SNX9: variants seen among roughly 807,000 people sequenced by gnomAD.
SNX9 encodes sorting nexin 9.
Under a neutral mutation model 89.4 loss-of-function variants are expected in SNX9, and 44 were observed. The observed-to-expected ratio is 0.49, with a 90% CI of 0.39 to 0.63. The LOEUF (loss-of-function observed/expected upper bound fraction) is 0.63. SNX9 is among the 30% of genes least tolerant of loss of function. The pLI is 0.00. For synonymous variants in SNX9, 236 were observed against 247.8 expected (o/e 0.95, Z 0.45); for missense variants, 578 against 736.1 (o/e 0.79, Z 2.49).
At chr6:157,871,545 G>A (rs1424435192) in intron 2 of SNX9, among the ~76,000 whole-genome samples, 1 of 152,072 alleles carries the variant, frequency 6.6e-6, no homozygotes, top group Non-Finnish European at 1.5e-5. Context: ...GGAGGAGGGG[G>A]GAGGGATAGC....
At chr6:157,901,852 G>GT (rs745369182) in intron 5 of SNX9, 46 bp from the exon 6 acceptor site, 1 of 1,497,860 alleles carries the variant, frequency 6.7e-7, no homozygotes, top group Admixed American at 2.1e-5. Flanking sequence ...TTTTATTTTG[G>GT]TCTTTTTTTT....
In SNX9 at chr6:157,943,857, T is replaced by C. The variant is rs1320016976; in HGVS notation, c.*1019T>C. 6.6e-6 allele frequency: 1 copy of C among 152,008 alleles called. No homozygotes were observed. Among genetic ancestry groups the C allele is most frequent in the Non-Finnish European group, 1.5e-5 (1 of 68,114 alleles). The allele number at this position is 152,008 out of a possible 1,614,324, so 9.4% of individuals were successfully genotyped here. A position where few individuals can be genotyped will look rare whatever the true frequency, so the allele number is the denominator to read the frequency against. ...GCTTGGGTGGCGGGTTCATGGCCAG[T>C]TGGTGTCATCAGCAAAGAGAAAAAG... is the stretch of plus-strand genomic sequence containing the variant. On this transcript the variant is annotated 3_prime_UTR_variant, in exon 18 of 18. Coordinates refer to ENST00000392185, the MANE Select transcript of SNX9 (RefSeq NM_016224.5).
intron 1 of SNX9, among the ~76,000 whole-genome samples, chr6:157,857,444 T>C (rs1368278494): frequency 1.3e-5 from 2 of 152,206 alleles, no homozygotes; most frequent in African/African-American, 2.4e-5. Context: ...GCACTAGATA[T>C]GTGATTACCT....
intron 3 of SNX9, chr6:157,874,827 C>CAT (rs1314489721): frequency 1.9e-5 from 8 of 410,982 alleles, no homozygotes; most frequent in Non-Finnish European, 4.3e-6. Flanking sequence ...CTAAATAATG[C>CAT]ATGGATCAAA....
chr6:157,856,608 T>G (rs1323037453), intron 1 of SNX9, among the ~76,000 whole-genome samples: 1 of 152,242 alleles, frequency 6.6e-6, no homozygotes. Flanking sequence ...GTCTGCATAT[T>G]ACTATCACGA....
chr6:157,829,541 CTAAT>C (rs1433551211), intron 1 of SNX9: 1 of 152,178 alleles, frequency 6.6e-6, no homozygotes, highest in Non-Finnish European at 1.5e-5. Context: ...TATATCCTTA[CTAAT>C]TGTGTTCCTC....
intron 1 of SNX9, among the ~76,000 whole-genome samples, chr6:157,836,351 TCTC>T (rs1334633091): frequency 1.3e-5 from 2 of 152,274 alleles, no homozygotes; most frequent in East Asian, 3.9e-4. Context: ...ACTCCCCTCT[TCTC>T]TGATTCATTA....
chr6:157,844,600 G>GTTTTGTTTT (rs1781767520), intron 1 of SNX9, among the ~76,000 whole-genome samples: 5 of 131,806 alleles, frequency 3.8e-5, no homozygotes, highest in African/African-American at 1.4e-4. Flanking sequence ...TTTTTTTTTT[G>GTTTTGTTTT]TTTTTTTTTT....
chr6:157,937,406 G>A, intron 14 of SNX9, 28 bp from the exon 15 acceptor site: 1 of 1,509,312 alleles, frequency 6.6e-7, no homozygotes, highest in East Asian at 2.3e-5. Context: ...TTCTCTGCCA[G>A]TAACAATCAG....
At position 157,917,740 on chromosome 6, in the gene SNX9, C is replaced by T. The variant is rs144603745; in HGVS notation, c.950-3791C>T. Among the ~76,000 whole-genome samples, 1,011 of 152,100 alleles carry T rather than the reference C, an allele frequency of 6.6e-3. 13 individuals are homozygous for T. Among genetic ancestry groups the T allele is most frequent in the African/African-American group, 0.023 (970 of 41,516 alleles). On this transcript the variant is annotated intron_variant, in intron 9 of 17. Coordinates refer to ENST00000392185, the MANE Select transcript of SNX9 (RefSeq NM_016224.5). ...TATAATACCTAATACAATGTAAATG[C>T]TATGTAAATCATTGTTATACTGTAT...
At chr6:157,906,897 T>G (rs1783227952) in intron 7 of SNX9, among the ~76,000 whole-genome samples, 1 of 152,212 alleles carries the variant, frequency 6.6e-6, no homozygotes, top group South Asian at 2.1e-4. Context: ...CTGTAACAAT[T>G]AGATTGGGAA....
At chr6:157,857,453 C>T (rs1417792153) in intron 1 of SNX9, among the ~76,000 whole-genome samples, 4 of 151,850 alleles carry the variant, frequency 2.6e-5, no homozygotes, top group South Asian at 2.1e-4. Flanking sequence ...ATGTGATTAC[C>T]TTTTTTAAAA....
intron 5 of SNX9, among the ~76,000 whole-genome samples, chr6:157,897,916 T>C (rs886090484): frequency 6.6e-6 from 1 of 152,170 alleles, no homozygotes; most frequent in African/African-American, 2.4e-5. Context: ...GCTTGGTCCT[T>C]CTGTTGACCA....
Position 157,909,769 on chromosome 6 carries a change from C to A in SNX9, c.810C>A (p.Ile270=). 1 of 1,614,114 alleles carries A rather than the reference C, an allele frequency of 6.2e-7. No individual in the cohort carries two copies. The highest frequency in any genetic ancestry group is 8.5e-7 in the Non-Finnish European group (1 of 1,180,014). The change falls in exon 8 of 18, where the codon ATC becomes ATA. Residue 270 remains isoleucine (I), a synonymous_variant. Coordinates refer to ENST00000392185, the MANE Select transcript of SNX9 (RefSeq NM_016224.5). ...GSKMYGLKSY[I]EYQLTPTNTN... ...AAATGTATGGTCTAAAGAGCTACAT[C>A]GAATATCAGCTAACACCTACTGTAA...
intron 1 of SNX9, among the ~76,000 whole-genome samples, chr6:157,835,159 T>G (rs1781559054): frequency 6.6e-6 from 1 of 151,992 alleles, no homozygotes; most frequent in Non-Finnish European, 1.5e-5. Context: ...ATTACAGATG[T>G]GTGCCACCAC....
chr6:157,899,150 C>T (rs1783041597), intron 5 of SNX9, among the ~76,000 whole-genome samples: 1 of 147,794 alleles, frequency 6.8e-6, no homozygotes, highest in Non-Finnish European at 1.5e-5. Context: ...AGCACCTTAT[C>T]TGACACGGGG....
At chr6:157,876,822 G>A (rs1263057801) in intron 4 of SNX9, among the ~76,000 whole-genome samples, 3 of 152,216 alleles carry the variant, frequency 2.0e-5, no homozygotes, top group African/African-American at 7.2e-5. Context: ...ATATTGAGCA[G>A]CCTTCCTAGC....
At chr6:157,839,950 A>G (rs1031046580) in intron 1 of SNX9, among the ~76,000 whole-genome samples, 4 of 152,184 alleles carry the variant, frequency 2.6e-5, no homozygotes, top group African/African-American at 7.2e-5. Context: ...GGATTCTCCT[A>G]TCCTCTCCGG....
At chr6:157,840,272 G>C (rs1052496499) in intron 1 of SNX9, among the ~76,000 whole-genome samples, 5 of 152,116 alleles carry the variant, frequency 3.3e-5, no homozygotes, top group Non-Finnish European at 7.3e-5. Context: ...CCAGAGCTGA[G>C]GGAGCTCAGG....
Sources: gnomAD v4.1 joint callset for allele counts (sites outside exome capture counted in the v4.1 genomes callset) on GRCh38, gnomAD v4.1.1 for gene constraint, MANE v1.5 for transcripts, NCBI Gene and HGNC (gene_info 2026-07-23, HGNC 2026-07-21) for gene names.